GLRA3: variants seen among roughly 807,000 people sequenced by gnomAD.
The protein encoded by GLRA3 is glycine receptor subunit alpha-3.
Under a neutral mutation model 60.4 loss-of-function variants are expected in GLRA3, and 44 were observed. The observed-to-expected ratio is 0.73, with a 90% CI of 0.57 to 0.94. The LOEUF (loss-of-function observed/expected upper bound fraction) is 0.94, where lower values mean the gene tolerates loss of function less well. Among genes scored for constraint, GLRA3 ranks in the 40% least tolerant of loss-of-function variants. The pLI is 0.00. For synonymous variants in GLRA3, 223 were observed against 192.9 expected (o/e 1.16, Z -1.29); for missense variants, 508 against 564.6 (o/e 0.90, Z 1.02).
At chr4:174,772,271 T>C (rs1330932260) in intron 2 of GLRA3, among the ~76,000 whole-genome samples, 2 of 152,132 alleles carry the variant, frequency 1.3e-5, no homozygotes, top group Non-Finnish European at 2.9e-5. Context: ...CTCCATAACA[T>C]TCCTCCAATA....
intron 7 of GLRA3, among the ~76,000 whole-genome samples, chr4:174,674,699 A>T (rs1734043731): frequency 6.6e-6 from 1 of 152,192 alleles, no homozygotes; most frequent in African/African-American, 2.4e-5. Context: ...TTTTATAGTC[A>T]ATTTTCCTGA....
intron 5 of GLRA3, among the ~76,000 whole-genome samples, chr4:174,702,781 T>C (rs1561065721): frequency 6.6e-6 from 1 of 152,194 alleles, no homozygotes; most frequent in East Asian, 1.9e-4. Context: ...TTTCCCAGAC[T>C]AGTCTCAAAC....
intron 2 of GLRA3, among the ~76,000 whole-genome samples, chr4:174,776,294 C>CT: frequency 6.6e-6 from 1 of 152,166 alleles, no homozygotes; most frequent in Non-Finnish European, 1.5e-5. Flanking sequence ...GCAATGCAGC[C>CT]TGTGTCAGAG....
At chr4:174,721,554 A>T (rs1736129686) in intron 4 of GLRA3, among the ~76,000 whole-genome samples, 1 of 149,650 alleles carries the variant, frequency 6.7e-6, no homozygotes, top group Non-Finnish European at 1.5e-5. Context: ...TGAGGCACTA[A>T]AAACTATCTG....
At position 174,812,651 on chromosome 4, in the gene GLRA3, T is replaced by G. The variant is rs113032401; in HGVS notation, c.71+16090A>C. 3.5e-3 allele frequency among the ~76,000 whole-genome samples: 528 copies of G among 152,266 alleles called. 2 individuals are homozygous for G. Among genetic ancestry groups the G allele is most frequent in the African/African-American group, 0.012 (505 of 41,554 alleles). On this transcript the variant is annotated intron_variant, in intron 1 of 9. Coordinates refer to ENST00000274093, the MANE Select transcript of GLRA3 (RefSeq NM_006529.4). ...TCATTCAATTTCACTCTACTGAATA[T>G]TACGCTATACCTCAAGGTTTTTATA...
chr4:174,781,907 A>C (rs1394028279), intron 2 of GLRA3, among the ~76,000 whole-genome samples: 1 of 152,218 alleles, frequency 6.6e-6, no homozygotes, highest in Non-Finnish European at 1.5e-5. Flanking sequence ...AGCTGGTACC[A>C]TTCCTTCTGA....
intron 1 of GLRA3, among the ~76,000 whole-genome samples, chr4:174,817,308 C>T (rs916978876): frequency 3.3e-5 from 5 of 152,308 alleles, no homozygotes; most frequent in East Asian, 3.9e-4. Context: ...AGCAATCCCG[C>T]GTTAAGGGTG....
chr4:174,645,600 C>T lies in GLRA3; in HGVS notation c.1117-1536G>A, dbSNP rs568974742. Among the ~76,000 whole-genome samples, 10 of 152,046 alleles carry T rather than the reference C, an allele frequency of 6.6e-5. No homozygotes were observed. The South Asian group carries it at 2.1e-3, about 32-fold the overall frequency. ...GTTATTTTGGGAATTATGAAAGTAA[C>T]GTGATTCCACCTGCAAAACAAAAGT... On this transcript the variant is annotated intron_variant, in intron 9 of 9. Coordinates refer to ENST00000274093, the MANE Select transcript of GLRA3 (RefSeq NM_006529.4).
At chr4:174,654,656 C>T (rs2110874179) in intron 9 of GLRA3, among the ~76,000 whole-genome samples, 1 of 152,036 alleles carries the variant, frequency 6.6e-6, no homozygotes, top group South Asian at 2.1e-4. Flanking sequence ...AATCTCATTT[C>T]ATTCATATCT....
intron 1 of GLRA3, among the ~76,000 whole-genome samples, chr4:174,791,651 T>C (rs1462797894): frequency 6.6e-6 from 1 of 152,222 alleles, no homozygotes. Context: ...GTGCTTAAAA[T>C]AGTTGATTTG....
In GLRA3 at chr4:174,677,204, A is replaced by T; in HGVS notation, c.801T>A (p.Ile267=). 6.2e-7 allele frequency: 1 copy of T among 1,612,152 alleles called. No individual in the cohort carries two copies. The highest frequency in any genetic ancestry group is 1.3e-5 in the African/African-American group (1 of 74,980). ...AGAATGAAACCCAGGATAGAATAAC[A>T]ATCAGGAGACTGGGAATGTACATCT... is the stretch of plus-strand genomic sequence containing the variant. ...LIQMYIPSLL[I]VILSWVSFWI... Residue 267 remains isoleucine, a synonymous_variant, in exon 7 of 10, where the codon ATT becomes ATA. Coordinates refer to ENST00000274093, the MANE Select transcript of GLRA3 (RefSeq NM_006529.4).
chr4:174,673,397 C>T (rs1377209482), intron 7 of GLRA3, among the ~76,000 whole-genome samples: 4 of 151,988 alleles, frequency 2.6e-5, no homozygotes, highest in Non-Finnish European at 5.9e-5. Context: ...TTACTATCTC[C>T]TCTTTCAACC....
intron 5 of GLRA3, among the ~76,000 whole-genome samples, chr4:174,711,231 A>G (rs910173601): frequency 2.6e-5 from 4 of 151,756 alleles, no homozygotes; most frequent in East Asian, 1.9e-4. Flanking sequence ...GGTGTATAAC[A>G]TAAATAAATG....
intron 5 of GLRA3, among the ~76,000 whole-genome samples, chr4:174,687,744 A>C (rs527729246): frequency 1.3e-5 from 2 of 152,318 alleles, no homozygotes; most frequent in East Asian, 3.9e-4. Context: ...TGACATCCAC[A>C]AATGTGATAC....
At chr4:174,799,533 A>G (rs558624852) in intron 1 of GLRA3, among the ~76,000 whole-genome samples, 1 of 152,370 alleles carries the variant, frequency 6.6e-6, no homozygotes, top group South Asian at 2.1e-4. Context: ...TTAGTAAGAC[A>G]AAAATTGCAT....
At chr4:174,737,814 TG>T (rs1234903043) in intron 3 of GLRA3, among the ~76,000 whole-genome samples, 14 of 152,184 alleles carry the variant, frequency 9.2e-5, no homozygotes, top group African/African-American at 3.1e-4. Flanking sequence ...GCCCAGCCAA[TG>T]CTCATGCTTG....
intron 3 of GLRA3, among the ~76,000 whole-genome samples, chr4:174,732,104 C>T (rs1205133978): frequency 1.3e-5 from 2 of 152,164 alleles, no homozygotes; most frequent in Admixed American, 6.5e-5. Context: ...TGCCTTTAAT[C>T]CCAGCACTTC....
At chr4:174,683,572 A>C (rs1734440253) in intron 5 of GLRA3, among the ~76,000 whole-genome samples, 1 of 152,146 alleles carries the variant, frequency 6.6e-6, no homozygotes, top group South Asian at 2.1e-4. Context: ...GCTGGTCTCA[A>C]ACTCCTGACC....
intron 5 of GLRA3, among the ~76,000 whole-genome samples, chr4:174,692,541 G>A (rs887500763): frequency 3.3e-5 from 5 of 150,156 alleles, no homozygotes; most frequent in South Asian, 4.3e-4. Flanking sequence ...GATGGTTGCC[G>A]TGTCTGTGTA....
Sources: allele counts gnomAD v4.1 joint callset (sites outside exome capture counted in the v4.1 genomes callset), GRCh38; gene constraint gnomAD v4.1.1; transcripts MANE v1.5; gene names NCBI Gene and HGNC (gene_info 2026-07-23, HGNC 2026-07-21).